The following ANKRD30A variants were observed in gnomAD, a reference collection of about 807,000 sequenced individuals.
ANKRD30A encodes the protein ankyrin repeat domain 30A.
A neutral mutation model predicts 166.3 loss-of-function variants in ANKRD30A; 170 were observed. The ratio of observed to expected loss-of-function variants is 1.02; its 90% CI spans 0.90 to 1.16. ANKRD30A has a LOEUF of 1.16. ANKRD30A is among the 50% of genes most tolerant of loss of function. The pLI, the probability that ANKRD30A is intolerant of heterozygous loss-of-function variation, is 0.00. For synonymous variants in ANKRD30A, 564 were observed against 508.9 expected (o/e 1.11, Z -1.46); for missense variants, 1,630 against 1,518.0 (o/e 1.07, Z -1.23).
chr10:37,141,931 C>T lies in ANKRD30A; in HGVS notation c.1034C>T (p.Ala345Val), dbSNP rs371384886. The T allele has an allele frequency of 2.5e-5, 41 of 1,614,112 alleles. No homozygotes were observed. The highest frequency in any genetic ancestry group is 1.9e-4 in the African/African-American group (14 of 75,016). The part of the protein sequence containing the change: ...TSDKIQCLEK[A>V]TSGKFEQSAE... ...GACAAAATTCAATGTTTGGAGAAAGCGACATCTGGAAAGTTCGAACAGTCA... is the reference window on the plus strand; with the variant it reads ...GACAAAATTCAATGTTTGGAGAAAGTGACATCTGGAAAGTTCGAACAGTCA... Residue 345 changes from alanine (A) to valine (V), a missense_variant, in exon 7 of 36, where the codon GCG (alanine) becomes GTG (valine). By Grantham distance (64) the Ala-to-Val change is moderately conservative. Around this residue, in one of 4 missense-constraint regions of ANKRD30A, gnomAD observed 904 missense variants for 818.5 expected, o/e 1.10. Transcript: ENST00000361713.
intron 31 of ANKRD30A, among the ~76,000 whole-genome samples, chr10:37,202,776 A>T (rs1003021911): frequency 1.1e-4 from 16 of 152,154 alleles, no homozygotes; most frequent in African/African-American, 3.4e-4. Flanking sequence ...GAAGAATCAA[A>T]TAGACACAAT....
the ANKRD30A span, among the ~76,000 whole-genome samples, chr10:37,243,569 A>C: frequency 6.6e-6 from 1 of 152,036 alleles, no homozygotes; most frequent in Admixed American, 6.6e-5. Flanking sequence ...GTCTCCTTTC[A>C]TGCTTAGTAT....
chr10:37,160,352 C>T (rs1838755411), intron 15 of ANKRD30A, among the ~76,000 whole-genome samples: 1 of 152,122 alleles, frequency 6.6e-6, no homozygotes, highest in African/African-American at 2.4e-5. Flanking sequence ...AAAATTATGA[C>T]ATTGTGACAT....
chr10:37,212,485 C>A (rs1842390337), intron 31 of ANKRD30A, among the ~76,000 whole-genome samples: 1 of 151,992 alleles, frequency 6.6e-6, no homozygotes, highest in Admixed American at 6.6e-5. Context: ...CATCAAGCTA[C>A]CAATGACCTT....
At chr10:37,149,417 A>G (rs1477359369) in intron 9 of ANKRD30A, among the ~76,000 whole-genome samples, 3 of 152,100 alleles carry the variant, frequency 2.0e-5, no homozygotes. Flanking sequence ...CACGTGAAAC[A>G]CAATCTCGCT....
intron 31 of ANKRD30A, among the ~76,000 whole-genome samples, chr10:37,214,867 T>A (rs1211294914): frequency 6.6e-6 from 1 of 151,452 alleles, no homozygotes; most frequent in African/African-American, 2.4e-5. Flanking sequence ...TAGCCAATTT[T>A]TCCTCAAATG....
intron 24 of ANKRD30A, among the ~76,000 whole-genome samples, chr10:37,179,063 T>TAG (rs1358645074): frequency 2.5e-5 from 3 of 120,908 alleles, no homozygotes; most frequent in African/African-American, 9.6e-5. Context: ...TATATATATA[T>TAG]AGATGTGTGC....
chr10:37,265,848 C>T, the ANKRD30A span, among the ~76,000 whole-genome samples: 1 of 152,232 alleles, frequency 6.6e-6, no homozygotes, highest in South Asian at 2.1e-4. Flanking sequence ...GCTATCTCTG[C>T]CTCACTTACT....
intron 7 of ANKRD30A, among the ~76,000 whole-genome samples, chr10:37,143,861 T>A (rs1406341153): frequency 2.6e-5 from 4 of 151,950 alleles, no homozygotes; most frequent in African/African-American, 9.7e-5. Flanking sequence ...AGATGGAGGG[T>A]AATTACATAA....
chr10:37,208,341 G>T (rs1242423313), intron 31 of ANKRD30A, among the ~76,000 whole-genome samples: 1 of 152,120 alleles, frequency 6.6e-6, no homozygotes, highest in East Asian at 1.9e-4. Flanking sequence ...TCTTTCTGGA[G>T]CTGAGTAGAG....
downstream of ANKRD30A, among the ~76,000 whole-genome samples, chr10:37,233,541 T>A (rs1196157056): frequency 6.6e-6 from 1 of 152,196 alleles, no homozygotes; most frequent in Non-Finnish European, 1.5e-5. Context: ...TATTTATTTT[T>A]AGTATTTCCG....
intron 3 of ANKRD30A, among the ~76,000 whole-genome samples, chr10:37,131,894 T>C (rs548306230): frequency 2.1e-4 from 32 of 152,190 alleles, no homozygotes; most frequent in Non-Finnish European, 4.1e-4. Context: ...AATACTACTT[T>C]AGTCAAAAAC....
intron 2 of ANKRD30A, 29 bp from the exon 3 acceptor site, chr10:37,130,176 T>G: frequency 6.8e-7 from 1 of 1,474,360 alleles, no homozygotes; most frequent in Non-Finnish European, 9.1e-7. Flanking sequence ...TTATACAGTT[T>G]ACAATAATTC....
intron 13 of ANKRD30A, among the ~76,000 whole-genome samples, chr10:37,157,178 A>G (rs1189973883): frequency 1.3e-5 from 2 of 152,196 alleles, no homozygotes; most frequent in African/African-American, 4.8e-5. Flanking sequence ...TAAGTTTTTT[A>G]TAAGAGCTTA....
chr10:37,139,816 A>C (rs369758737), intron 6 of ANKRD30A, among the ~76,000 whole-genome samples: 2 of 152,136 alleles, frequency 1.3e-5, no homozygotes, highest in African/African-American at 4.8e-5. Context: ...TTTACAATAA[A>C]TGGTTTGCAT....
At chr10:37,183,342 A>G (rs1248805017) in intron 24 of ANKRD30A, among the ~76,000 whole-genome samples, 3 of 144,800 alleles carry the variant, frequency 2.1e-5, no homozygotes, top group African/African-American at 7.5e-5. Context: ...TATGTGAACT[A>G]TTAGGCCCCC....
the ANKRD30A span, among the ~76,000 whole-genome samples, chr10:37,258,025 A>G: frequency 1.3e-5 from 2 of 152,204 alleles, no homozygotes; most frequent in Non-Finnish European, 2.9e-5. Flanking sequence ...TGTGGGGCTT[A>G]AAAGCCAGAT....
At chr10:37,265,366 C>G in the ANKRD30A span, among the ~76,000 whole-genome samples, 2 of 152,272 alleles carry the variant, frequency 1.3e-5, no homozygotes, top group East Asian at 3.9e-4. Context: ...AGACCCCACC[C>G]TGGGGTTGCC....
Position 37,192,013 on chromosome 10 carries a change from C to A in ANKRD30A, c.2513-1051C>A, listed in dbSNP as rs369035479. Among the ~76,000 whole-genome samples, 23 of 152,070 alleles carry A rather than the reference C, an allele frequency of 1.5e-4. 1 individual carries two copies. Among genetic ancestry groups the A allele is most frequent in the African/African-American group, 4.8e-4 (20 of 41,478 alleles). Reference sequence around the variant, plus strand: ...ATAAAAAGCCTCTGGAAGTTTACTTCTAGTTTTTGATACTTTCACATTACA... The same window carrying A: ...ATAAAAAGCCTCTGGAAGTTTACTTATAGTTTTTGATACTTTCACATTACA... On this transcript the variant is annotated intron_variant, in intron 25 of 35. Coordinates refer to ENST00000361713, the MANE Select transcript of ANKRD30A (RefSeq NM_052997.3).
Sources: gnomAD v4.1 joint callset for allele counts (sites outside exome capture counted in the v4.1 genomes callset) on GRCh38, gnomAD v4.1.1 for gene constraint, gnomAD v4.1.1 regional missense constraint, MANE v1.5 for transcripts, NCBI Gene and HGNC (gene_info 2026-07-23, HGNC 2026-07-21) for gene names.